C5orf34: variants seen among roughly 807,000 people sequenced by gnomAD.
C5orf34 encodes the protein uncharacterized protein C5orf34.
C5orf34 carries 73 observed loss-of-function variants against 78.4 expected under a neutral mutation model. The ratio of observed to expected loss-of-function variants is 0.93; its 90% CI spans 0.77 to 1.13. The LOEUF is 1.13. Among genes scored for constraint, C5orf34 ranks in the 50% most tolerant of loss-of-function variants. The pLI is 0.00. For synonymous variants in C5orf34, 251 were observed against 246.6 expected, an observed-to-expected ratio of 1.02 and a Z score of -0.17; for missense variants, 730 against 732.7, an observed-to-expected ratio of 1.00 and a Z score of 0.04.
intron 3 of C5orf34, among the ~76,000 whole-genome samples, chr5:43,508,174 T>C (rs935520578): frequency 2.0e-5 from 3 of 152,208 alleles, no homozygotes; most frequent in African/African-American, 7.2e-5. Flanking sequence ...TATTAAATAT[T>C]TCTAATATTG....
chr5:43,488,244 T>C, intron 11 of C5orf34: 1 of 370,954 alleles, frequency 2.7e-6, no homozygotes, highest in Non-Finnish European at 4.9e-6. Context: ...TTCTTAGTAC[T>C]AACCTAGCTT....
chr5:43,506,107 C>T lies in C5orf34; in HGVS notation c.573G>A (p.Leu191=), dbSNP rs767310494. The change falls in exon 4 of 13, where the codon CTG becomes CTA. Residue 191 remains leucine (L), a synonymous_variant. Transcript: ENST00000306862. ...AATGAAACTCATTTTCTTTATTCTT[C>T]AGTCTCTGTCCTGGTAAATTTCCAC... ...CIRGNLPGQR[L]KNKENEFHCQ... is the part of the protein sequence containing the mutation. 4 of 1,614,158 alleles carry T rather than the reference C, an allele frequency of 2.5e-6. No individual in the cohort carries two copies. The South Asian group carries it at 4.4e-5, about 18-fold the overall frequency.
chr5:43,497,819 A>G (rs1180934931), intron 6 of C5orf34, among the ~76,000 whole-genome samples: 1 of 152,242 alleles, frequency 6.6e-6, no homozygotes, highest in Non-Finnish European at 1.5e-5. Context: ...AGACACCTCA[A>G]CATCACCATG....
intron 1 of C5orf34, among the ~76,000 whole-genome samples, chr5:43,511,945 T>G (rs1746278012): frequency 6.6e-6 from 1 of 151,964 alleles, no homozygotes; most frequent in South Asian, 2.1e-4. Flanking sequence ...GTTCACCTGT[T>G]TATCTGCTGA....
chr5:43,494,957 G>A, intron 6 of C5orf34: 2 of 853,850 alleles, frequency 2.3e-6, no homozygotes, highest in South Asian at 1.6e-5. Flanking sequence ...ACGATGCATT[G>A]TTATCATTAA....
In C5orf34 at chr5:43,506,358, T is replaced by G; in HGVS notation, c.322A>C (p.Ser108Arg). 6.2e-7 allele frequency: 1 copy of G among 1,611,664 alleles called. No individual in the cohort carries two copies. Among genetic ancestry groups the G allele is most frequent in the Non-Finnish European group, 8.5e-7 (1 of 1,178,896 alleles). Residue 108 changes from serine to arginine, a missense_variant, in exon 4 of 13, where the codon AGT becomes CGT. Ser to Arg is a moderately radical substitution (Grantham distance 110). Coordinates refer to ENST00000306862, the MANE Select transcript of C5orf34 (RefSeq NM_198566.4). ...FIDITEVRWP[S>R]LDTDGTMIYM... ...ATCATGGTACCATCTGTATCAAGACTGGGCCATCTCACTTCTGTTATGTCA... is the reference window on the plus strand; with the variant it reads ...ATCATGGTACCATCTGTATCAAGACGGGGCCATCTCACTTCTGTTATGTCA...
intron 1 of C5orf34, chr5:43,511,084 C>T (rs1000609027): frequency 5.6e-5 from 10 of 177,902 alleles, no homozygotes; most frequent in East Asian, 1.8e-4. Flanking sequence ...GCGCCTCTGC[C>T]GGGCCGCGAC....
rs149386441 is a variant in C5orf34 at position 43,494,491 on chromosome 5, T to C, written c.1244+19A>G. ...TTTAGACACATAACATTTGATTCAA[T>C]TGAATGGGAAGAACTTACCTTGTTG... On this transcript the variant is annotated intron_variant, in intron 7 of 12. Transcript: ENST00000306862. 6.4e-5 allele frequency: 97 copies of C among 1,518,284 alleles called. 1 individual carries two copies. In the African/African-American group the frequency reaches 1.1e-3, roughly 17 times the overall value. The allele number at this position is 1,518,284 out of a possible 1,614,324, so 94.1% of individuals were successfully genotyped here.
At chr5:43,494,918 A>G (rs1375208822) in intron 6 of C5orf34, among the ~76,000 whole-genome samples, 1 of 152,236 alleles carries the variant, frequency 6.6e-6, no homozygotes, top group African/African-American at 2.4e-5. Flanking sequence ...GTGGTCCACA[A>G]AACATTCTCC....
At position 43,506,202 on chromosome 5, in the gene C5orf34, C is replaced by A; in HGVS notation, c.478G>T (p.Val160Leu). The A allele has an allele frequency of 6.2e-7, 1 of 1,614,188 alleles. No homozygotes were observed. The highest frequency in any genetic ancestry group is 2.2e-5 in the East Asian group (1 of 44,884). Residue 160 changes from valine to leucine, a missense_variant, in exon 4 of 13, where the codon GTG becomes TTG. Coordinates refer to ENST00000306862, the MANE Select transcript of C5orf34 (RefSeq NM_198566.4). ...GCTTTATTATTTGTTTCTGACAACA[C>A]TGCAGATGAGTCTGACTTCTGGCTA... is the stretch of plus-strand genomic sequence containing the variant. Reference protein sequence around the residue: ...KVSQKSDSSAVLSETNNKAPK... With the variant: ...KVSQKSDSSALLSETNNKAPK...
Position 43,509,324 on chromosome 5 carries a change from G to C in C5orf34, c.16C>G (p.Arg6Gly), listed in dbSNP as rs747141767. 6 of 1,607,612 alleles carry C rather than the reference G, an allele frequency of 3.7e-6. No homozygotes were observed. The highest frequency in any genetic ancestry group is 5.1e-6 in the Non-Finnish European group (6 of 1,177,714). Residue 6 changes from arginine to glycine, a missense_variant, in exon 2 of 13, where the codon CGA becomes GGA. Physicochemically the swap from Arg to Gly is moderately radical, Grantham distance 125. Coordinates refer to ENST00000306862, the MANE Select transcript of C5orf34 (RefSeq NM_198566.4). ...GAATCATCTTCATAAAGTATCATTC[G>C]CAGTTCAGCTGCCATTACAACGGCA... Reference protein sequence around the residue: MAAELRMILYEDDSVQ... With the variant: MAAELGMILYEDDSVQ...
Position 43,486,829 on chromosome 5 carries a change from A to C in C5orf34, c.*86T>G. The stretch of plus-strand genomic sequence containing the variant: ...ATCATTGTGCCGGGGTAATACGTAC[A>C]ATATCTTGGCTTACTAGTAATTTTA... On this transcript the variant is annotated 3_prime_UTR_variant, in exon 13 of 13. Coordinates refer to ENST00000306862, the MANE Select transcript of C5orf34 (RefSeq NM_198566.4). The C allele has an allele frequency of 1.4e-6, 1 of 698,734 alleles. No homozygotes were observed. Among genetic ancestry groups the C allele is most frequent in the Non-Finnish European group, 2.2e-6 (1 of 455,580 alleles). 43.3% of individuals were successfully genotyped at this position (698,734 alleles called of 1,614,324 possible).
At chr5:43,510,654 G>A (rs1746195332) in intron 1 of C5orf34, among the ~76,000 whole-genome samples, 1 of 152,236 alleles carries the variant, frequency 6.6e-6, no homozygotes, top group Admixed American at 6.5e-5. Context: ...TGTTGGCCGG[G>A]CTGGTCTCCA....
intron 1 of C5orf34, among the ~76,000 whole-genome samples, chr5:43,514,574 T>C (rs1343978804): frequency 6.6e-6 from 1 of 152,154 alleles, no homozygotes; most frequent in East Asian, 1.9e-4. Context: ...GTTCTTGGCA[T>C]ACCATAGGAA....
chr5:43,495,992 T>G, intron 6 of C5orf34: 1 of 1,591,230 alleles, frequency 6.3e-7, no homozygotes, highest in South Asian at 1.1e-5. Flanking sequence ...CTCAGTGGAA[T>G]CCATTTTGTT....
intron 2 of C5orf34, 92 bp downstream of exon 2, chr5:43,509,053 T>G (rs999749763): frequency 8.3e-6 from 8 of 960,768 alleles, no homozygotes; most frequent in Non-Finnish European, 1.1e-5. Context: ...TGCAGTGAGC[T>G]ATGGTAGTGC....
At chr5:43,496,907 A>T (rs960924189) in intron 6 of C5orf34, among the ~76,000 whole-genome samples, 3 of 152,172 alleles carry the variant, frequency 2.0e-5, no homozygotes, top group African/African-American at 7.2e-5. Flanking sequence ...TGCAATTTAA[A>T]TATTAGCTAC....
At chr5:43,506,485 G>T in intron 3 of C5orf34, 91 bp from the exon 4 acceptor site, 2 of 1,289,452 alleles carry the variant, frequency 1.6e-6, no homozygotes, top group Non-Finnish European at 2.1e-6. Context: ...GTGTAAGAAA[G>T]CTCTTAAATA....
intron 6 of C5orf34, among the ~76,000 whole-genome samples, chr5:43,496,792 C>T (rs1745549383): frequency 6.6e-6 from 1 of 151,874 alleles, no homozygotes; most frequent in East Asian, 1.9e-4. Flanking sequence ...TACTATATTA[C>T]CCAGACTAGT....
Sources: allele counts gnomAD v4.1 joint callset (sites outside exome capture counted in the v4.1 genomes callset), GRCh38; gene constraint gnomAD v4.1.1; transcripts MANE v1.5; gene names NCBI Gene and HGNC (gene_info 2026-07-23, HGNC 2026-07-21).